The following FRMPD4 variants were observed in gnomAD, a reference collection of about 807,000 sequenced individuals.
FRMPD4 encodes FERM and PDZ domain-containing protein 4.
A neutral mutation model predicts 94.1 loss-of-function variants in FRMPD4; 22 were observed. The ratio of observed to expected loss-of-function variants is 0.23; its 90% CI spans 0.17 to 0.33. The LOEUF is 0.33. FRMPD4 is among the 10% of genes least tolerant of loss of function. The pLI is 1.00. For missense variants in FRMPD4, 1,111 were observed against 1,339.9 expected, an observed-to-expected ratio of 0.83 and a Z score of 2.67; for synonymous variants, 631 against 548.6, an observed-to-expected ratio of 1.15 and a Z score of -2.10.
At chrX:12,581,411 T>C (rs1242621344) in intron 2 of FRMPD4, among the ~76,000 whole-genome samples, 1 of 102,316 alleles carries the variant, frequency 9.8e-6, no homozygotes, top group Non-Finnish European at 2.0e-5. Flanking sequence ...AGCAGAGAAC[T>C]AGAAATTATT....
At chrX:12,663,917 C>T (rs1208969458) in intron 4 of FRMPD4, among the ~76,000 whole-genome samples, 1 of 111,964 alleles carries the variant, frequency 8.9e-6, no homozygotes, top group Admixed American at 9.5e-5. Context: ...AGGTCCTTCA[C>T]ATCCCTTGTA....
At chrX:12,583,905 G>A (rs112369264) in intron 2 of FRMPD4, among the ~76,000 whole-genome samples, 1 of 111,293 alleles carries the variant, frequency 9.0e-6, no homozygotes. Flanking sequence ...TTGAGGGTGC[G>A]AGGACCACCC....
At chrX:12,157,042 T>G (rs987796522) in intron 1 of FRMPD4, among the ~76,000 whole-genome samples, 1 of 111,760 alleles carries the variant, frequency 8.9e-6, no homozygotes, top group African/African-American at 3.3e-5. Context: ...AGTACTCTGA[T>G]TTATTTGACC....
chrX:12,040,303 ATT>A (rs375661441), intron 3 of FRMPD4, among the ~76,000 whole-genome samples: 77 of 87,734 alleles, frequency 8.8e-4, no homozygotes, highest in African/African-American at 2.7e-3. Flanking sequence ...GTATCTCGTA[ATT>A]TTTTTTTTTT....
rs1346743638 is a variant in FRMPD4 at position 11,931,469 on chromosome X, G to T, written c.95+53451G>T. 3.6e-5 allele frequency among the ~76,000 whole-genome samples: 4 copies of T among 111,725 alleles called. No homozygotes were observed. In the Admixed American group the frequency reaches 3.8e-4, roughly 11 times the overall value. Reference sequence around the variant, plus strand: ...CTTGAGCTGTCTCCCTCTCCATGTAGTCTCAGTACCTCGCCTCTCCTCATA... The same window carrying T: ...CTTGAGCTGTCTCCCTCTCCATGTATTCTCAGTACCTCGCCTCTCCTCATA... On this transcript the variant is annotated intron_variant, in intron 3 of 18. Coordinates refer to the FRMPD4 transcript ENST00000640291.
intron 4 of FRMPD4, among the ~76,000 whole-genome samples, chrX:12,653,098 A>T (rs1383991581): frequency 8.9e-6 from 1 of 111,974 alleles, no homozygotes; most frequent in Non-Finnish European, 1.9e-5. Context: ...ATGAAAAGGG[A>T]TTTAATCTTT....
chrX:12,495,696 C>T (rs2057841273), intron 1 of FRMPD4, among the ~76,000 whole-genome samples: 1 of 110,957 alleles, frequency 9.0e-6, no homozygotes, highest in African/African-American at 3.3e-5. Context: ...TCTTGATCAC[C>T]ACATCCTTCC....
chrX:12,004,555 C>A (rs193074515), intron 3 of FRMPD4, among the ~76,000 whole-genome samples: 1 of 111,789 alleles, frequency 8.9e-6, no homozygotes, highest in Non-Finnish European at 1.9e-5. Flanking sequence ...TTGGTGTTGG[C>A]TGACCCACTT....
intron 2 of FRMPD4, among the ~76,000 whole-genome samples, chrX:12,571,311 AT>A (rs1210123815): frequency 2.7e-5 from 3 of 112,722 alleles, no homozygotes; most frequent in Non-Finnish European, 5.6e-5. Context: ...AGTTAAAAAA[AT>A]TTTTTTAAAC....
At chrX:11,844,572 T>A (rs755183785) in intron 1 of FRMPD4, among the ~76,000 whole-genome samples, 1 of 110,819 alleles carries the variant, frequency 9.0e-6, no homozygotes, top group East Asian at 2.9e-4. Context: ...TTTTGTGGCC[T>A]CCATTGTTTT....
chrX:12,196,576 A>G (rs1212683870), intron 1 of FRMPD4, among the ~76,000 whole-genome samples: 2 of 109,815 alleles, frequency 1.8e-5, no homozygotes, highest in African/African-American at 6.6e-5. Context: ...GTGGTGATTG[A>G]TACTGTTGAA....
intron 2 of FRMPD4, among the ~76,000 whole-genome samples, chrX:12,569,912 G>T (rs1156303423): frequency 8.9e-6 from 1 of 111,938 alleles, no homozygotes; most frequent in African/African-American, 3.2e-5. Flanking sequence ...GTAGTTCTGT[G>T]GTTTTGTTCC....
At chrX:11,848,648 A>G (rs943012514) in intron 1 of FRMPD4, among the ~76,000 whole-genome samples, 1 of 110,018 alleles carries the variant, frequency 9.1e-6, no homozygotes, top group African/African-American at 3.3e-5. Context: ...AATTTGGGAT[A>G]TGTAGGGTGC....
At chrX:12,095,619 C>G (rs1358211) in intron 3 of FRMPD4, among the ~76,000 whole-genome samples, 39,333 of 109,478 alleles carry the variant, frequency 0.36, 5,884 homozygotes, top group East Asian at 0.65. Flanking sequence ...CTGCTCTAGT[C>G]CAGCAAAAAG....
At chrX:12,252,695 A>G (rs1319686784) in intron 1 of FRMPD4, among the ~76,000 whole-genome samples, 1 of 111,864 alleles carries the variant, frequency 8.9e-6, no homozygotes, top group Admixed American at 9.5e-5. Flanking sequence ...TTCCAAATAA[A>G]TTAAGATCAG....
chrX:12,583,554 C>T, intron 2 of FRMPD4: 2 of 880,117 alleles, frequency 2.3e-6, no homozygotes, highest in South Asian at 2.2e-5. Context: ...CAAAACCACG[C>T]TCCAGCGCAA....
At chrX:12,609,175 C>T (rs940415702) in intron 2 of FRMPD4, among the ~76,000 whole-genome samples, 3 of 111,613 alleles carry the variant, frequency 2.7e-5, no homozygotes, top group African/African-American at 9.8e-5. Context: ...TCTCCATCCT[C>T]ATTGTCTTTA....
At chrX:12,297,811 C>G (rs5933981) in intron 1 of FRMPD4, among the ~76,000 whole-genome samples, 3 of 110,825 alleles carry the variant, frequency 2.7e-5, no homozygotes, top group African/African-American at 9.8e-5. Flanking sequence ...ATTAGCCCCC[C>G]CTGGAGTCTA....
chrX:12,157,962 G>C (rs752668870), intron 1 of FRMPD4, among the ~76,000 whole-genome samples: 1 of 112,223 alleles, frequency 8.9e-6, no homozygotes, highest in East Asian at 2.8e-4. Flanking sequence ...TTGTGTGTTT[G>C]TGTGTATACA....
Sources: allele counts gnomAD v4.1 joint callset (sites outside exome capture counted in the v4.1 genomes callset), GRCh38; gene constraint gnomAD v4.1.1; transcripts MANE v1.5; gene names NCBI Gene and HGNC (gene_info 2026-07-23, HGNC 2026-07-21).